TBC1D16: variants seen among roughly 807,000 people sequenced by gnomAD.
TBC1D16 encodes TBC1 domain family member 16, also known as CTD-2529O21.1.
TBC1D16 carries 58 observed loss-of-function variants against 74.7 expected under a neutral mutation model. That is an observed-to-expected ratio of 0.78 (90% CI 0.63 to 0.97). The LOEUF is 0.97. Among genes scored for constraint, TBC1D16 ranks in the 50% least tolerant of loss-of-function variants. TBC1D16 has a pLI of 0.00. For missense variants in TBC1D16, 1,014 were observed against 1,079.5 expected (o/e 0.94, Z 0.85); for synonymous variants, 493 against 474.7 (o/e 1.04, Z -0.50).
rs1344747342 is a variant in TBC1D16, at chr17:79,993,909, G to T, written c.779+16251C>A. Reference sequence around the variant, plus strand: ...CCCCATGCAACCACCGGCCGGGGTTGCGTCAAGGCCTCCCGGAGCAGCTGT... The same window carrying T: ...CCCCATGCAACCACCGGCCGGGGTTTCGTCAAGGCCTCCCGGAGCAGCTGT... On this transcript the variant is annotated intron_variant, in intron 3 of 11. Coordinates refer to ENST00000310924, the MANE Select transcript of TBC1D16 (RefSeq NM_019020.4). This position sits in a 1 kb window ranked among gnomAD's most constrained non-coding sequence, Gnocchi z 5.1. Among the ~76,000 whole-genome samples, 1 of 152,188 alleles carries T rather than the reference G, an allele frequency of 6.6e-6. No individual in the cohort carries two copies. Among genetic ancestry groups the T allele is most frequent in the African/African-American group, 2.4e-5 (1 of 41,454 alleles).
chr17:80,011,411 C>T (rs1461936883), intron 2 of TBC1D16, among the ~76,000 whole-genome samples: 1 of 152,110 alleles, frequency 6.6e-6, no homozygotes, highest in Non-Finnish European at 1.5e-5. Context: ...ACCCTGGCCC[C>T]AGGGCTCACC....
chr17:80,016,810 T>C (rs1250954510), intron 1 of TBC1D16, among the ~76,000 whole-genome samples: 1 of 152,174 alleles, frequency 6.6e-6, no homozygotes, highest in Non-Finnish European at 1.5e-5. Context: ...TCCAATTGTC[T>C]CCATGGCTGC....
chr17:80,024,947 CAT>C lies in TBC1D16; in HGVS notation c.-63+10846_-63+10847del, dbSNP rs1332211258. On this transcript the variant is annotated intron_variant, in intron 1 of 11. Coordinates refer to ENST00000310924, the MANE Select transcript of TBC1D16 (RefSeq NM_019020.4). Reference sequence around the variant, plus strand: ...CCATAGACACACACACCACACACACCATAGACACACCACACACACAACCCCGT... The same window carrying C: ...CCATAGACACACACACCACACACACCAGACACACCACACACACAACCCCGT... 4.3e-5 allele frequency among the ~76,000 whole-genome samples: 6 copies of C among 138,794 alleles called. 1 individual carries two copies. Among genetic ancestry groups the C allele is most frequent in the African/African-American group, 8.7e-5 (3 of 34,294 alleles). 91.1% of individuals were successfully genotyped at this position (138,794 alleles called of 152,430 possible). A position where few individuals can be genotyped will look rare whatever the true frequency, so the allele number is the denominator to read the frequency against.
rs906334153 is a variant in TBC1D16 at position 80,007,790 on chromosome 17, C to T, written c.779+2370G>A. ...CAAGATCTAGAGGCAGAGAGGACGA[C>T]GAACTTGGAGGTGTGCACAGTGGGG... is the stretch of plus-strand genomic sequence containing the variant. On this transcript the variant is annotated intron_variant, in intron 3 of 11. Coordinates refer to ENST00000310924, the MANE Select transcript of TBC1D16 (RefSeq NM_019020.4). This position sits in a 1 kb window ranked among gnomAD's most constrained non-coding sequence, Gnocchi z 4.5. Among the ~76,000 whole-genome samples, 2 of 152,020 alleles carry T rather than the reference C, an allele frequency of 1.3e-5. No homozygotes were observed. The highest frequency in any genetic ancestry group is 2.9e-5 in the Non-Finnish European group (2 of 68,004).
At position 79,935,500 on chromosome 17, in the gene TBC1D16, G is replaced by A. The variant is rs1205730810; in HGVS notation, c.*5359C>T. The A allele has an allele frequency of 6.6e-6, 1 of 152,326 alleles. No homozygotes were observed. The highest frequency in any genetic ancestry group is 1.5e-5 in the Non-Finnish European group (1 of 68,108). 9.4% of individuals were successfully genotyped at this position (152,326 alleles called of 1,614,324 possible). A position where few individuals can be genotyped will look rare whatever the true frequency, so the allele number is the denominator to read the frequency against. On this transcript the variant is annotated 3_prime_UTR_variant, in exon 12 of 12. Transcript: ENST00000310924. ...TCCCCCATCTCAGAACATGGGAGAA[G>A]CCGGGCACACTGGCGTCTGCAGGCT...
rs928182990 is a variant in TBC1D16, at chr17:79,941,273, G to C, written c.2056-166C>G. 3.3e-5 allele frequency among the ~76,000 whole-genome samples: 5 copies of C among 152,162 alleles called. No individual in the cohort carries two copies. The highest frequency in any genetic ancestry group is 9.7e-5 in the African/African-American group (4 of 41,432). ...CTGCCTGCATCTCCCACCATCACCGGCACCACGGGGCCCTGGGTCTTAGGT... is the reference window on the plus strand; with the variant it reads ...CTGCCTGCATCTCCCACCATCACCGCCACCACGGGGCCCTGGGTCTTAGGT... On this transcript the variant is annotated intron_variant, in intron 11 of 11. Transcript: ENST00000310924. This position sits in a 1 kb window ranked among gnomAD's most constrained non-coding sequence, Gnocchi z 4.3.
chr17:79,960,747 T>C (rs1244242229), intron 3 of TBC1D16, among the ~76,000 whole-genome samples: 4 of 114,336 alleles, frequency 3.5e-5, no homozygotes, highest in Non-Finnish European at 5.0e-5. Flanking sequence ...AGAGTGAGAC[T>C]CTGTCTCAAA....
At chr17:80,013,679 G>T in intron 1 of TBC1D16, 70 bp from the exon 2 acceptor site, 2 of 971,760 alleles carry the variant, frequency 2.1e-6, no homozygotes, top group Non-Finnish European at 3.0e-6. Flanking sequence ...AGTACGTGTC[G>T]CCTCGGCACC....
intron 1 of TBC1D16, among the ~76,000 whole-genome samples, chr17:80,027,944 T>C (rs2036641298): frequency 7.3e-6 from 1 of 137,838 alleles, no homozygotes; most frequent in Non-Finnish European, 1.6e-5. Flanking sequence ...TCCTTGACAA[T>C]AAGAACCCCC....
chr17:80,029,300 C>T (rs1232009526), intron 1 of TBC1D16, among the ~76,000 whole-genome samples: 3 of 151,990 alleles, frequency 2.0e-5, no homozygotes, highest in East Asian at 3.9e-4. Flanking sequence ...GAGAGAGGGG[C>T]GGGCAGGGGA....
chr17:80,011,743 G>A (rs1217473893), intron 2 of TBC1D16, among the ~76,000 whole-genome samples: 1 of 151,770 alleles, frequency 6.6e-6, no homozygotes, highest in African/African-American at 2.4e-5. Flanking sequence ...GGAGAATGGC[G>A]TGAACCCAGG....
chr17:80,021,082 G>A (rs1380112952), intron 1 of TBC1D16, among the ~76,000 whole-genome samples: 1 of 149,836 alleles, frequency 6.7e-6, no homozygotes, highest in African/African-American at 2.5e-5. Context: ...GAGAAACCCC[G>A]TGTCTACTAA....
Position 79,954,062 on chromosome 17 carries a change from G to C in TBC1D16, c.780-1244C>G, listed in dbSNP as rs1042250292. 1.3e-5 allele frequency among the ~76,000 whole-genome samples: 2 copies of C among 152,098 alleles called. No homozygotes were observed. The highest frequency in any genetic ancestry group is 2.4e-5 in the African/African-American group (1 of 41,414). ...TGGGATTACAGGCGTGAGCCATCGC[G>C]CCTGACACTCTCTTGAGATTTAATG... On this transcript the variant is annotated intron_variant, in intron 3 of 11. Transcript: ENST00000310924. This position sits in a 1 kb window ranked among gnomAD's most constrained non-coding sequence, Gnocchi z 5.5.
In TBC1D16 at chr17:79,940,759, C is replaced by T; in HGVS notation, c.*100G>A. 1 of 1,341,408 alleles carries T rather than the reference C, an allele frequency of 7.5e-7. No homozygotes were observed. Among genetic ancestry groups the T allele is most frequent in the Non-Finnish European group, 9.8e-7 (1 of 1,021,436 alleles). The allele number at this position is 1,341,408 out of a possible 1,614,324, so 83.1% of individuals were successfully genotyped here. A position where few individuals can be genotyped will look rare whatever the true frequency, so the allele number is the denominator to read the frequency against. On this transcript the variant is annotated 3_prime_UTR_variant, in exon 12 of 12. Coordinates refer to ENST00000310924, the MANE Select transcript of TBC1D16 (RefSeq NM_019020.4). The surrounding 1 kb of genome is among the most constrained non-coding windows in gnomAD (Gnocchi z 5.4). ...GCCCAAAAGCATTTTCCTTAGGTTTCTACCGTCCCCTGTCCCCTTCACGCC... is the reference window on the plus strand; with the variant it reads ...GCCCAAAAGCATTTTCCTTAGGTTTTTACCGTCCCCTGTCCCCTTCACGCC...
intron 3 of TBC1D16, among the ~76,000 whole-genome samples, chr17:79,991,123 A>G (rs1218326477): frequency 6.6e-6 from 1 of 152,260 alleles, no homozygotes; most frequent in Non-Finnish European, 1.5e-5. Flanking sequence ...CATCTATGAA[A>G]TAATTTTGAC....
rs530211498 is a variant in TBC1D16, at chr17:79,935,882, A to G, written c.*4977T>C. ...AACAAAAACTGTCCTCCTTACCCCA[A>G]AAGTGCTGGAGGAAAGATGGTTGCA... On this transcript the variant is annotated 3_prime_UTR_variant, in exon 12 of 12. Coordinates refer to ENST00000310924, the MANE Select transcript of TBC1D16 (RefSeq NM_019020.4). The G allele has an allele frequency of 2.6e-5, 4 of 152,294 alleles. No individual in the cohort carries two copies. Among genetic ancestry groups the G allele is most frequent in the African/African-American group, 2.4e-5 (1 of 41,560 alleles). 9.4% of individuals were successfully genotyped at this position (152,294 alleles called of 1,614,324 possible).
chr17:80,014,519 T>A (rs948281385), intron 1 of TBC1D16, among the ~76,000 whole-genome samples: 1 of 151,740 alleles, frequency 6.6e-6, no homozygotes, highest in African/African-American at 2.4e-5. Context: ...TGTAAAGAGA[T>A]TCTCAGTTCC....
chr17:79,990,411 G>A lies in TBC1D16; in HGVS notation c.779+19749C>T, dbSNP rs1313987942. 1.3e-5 allele frequency among the ~76,000 whole-genome samples: 2 copies of A among 152,218 alleles called. No individual in the cohort carries two copies. The highest frequency in any genetic ancestry group is 4.8e-5 in the African/African-American group (2 of 41,466). On this transcript the variant is annotated intron_variant, in intron 3 of 11. Coordinates refer to ENST00000310924, the MANE Select transcript of TBC1D16 (RefSeq NM_019020.4). The surrounding 1 kb of genome is among the most constrained non-coding windows in gnomAD (Gnocchi z 4.8). ...GTGAGCCTGGGCAGCCACCTCCCAC[G>A]TGATTTCCCAATGCTTGAAGTTCAC... is the stretch of plus-strand genomic sequence containing the variant.
chr17:79,944,227 A>C lies in TBC1D16; in HGVS notation c.1908+681T>G. The C allele has an allele frequency of 7.4e-7, 1 of 1,343,316 alleles. No individual in the cohort carries two copies. 83.2% of individuals were successfully genotyped at this position (1,343,316 alleles called of 1,614,324 possible). A position where few individuals can be genotyped will look rare whatever the true frequency, so the allele number is the denominator to read the frequency against. On this transcript the variant is annotated intron_variant, in intron 10 of 11. Transcript: ENST00000310924. The surrounding 1 kb of genome is among the most constrained non-coding windows in gnomAD (Gnocchi z 7.7). The stretch of plus-strand genomic sequence containing the variant: ...TGGAGCTGCCGTGGTGGATAGAGCC[A>C]GCTCCTGCAAAAGGGTCCAGCCCTC...
Sources: gnomAD v4.1 joint callset for allele counts (sites outside exome capture counted in the v4.1 genomes callset) on GRCh38, gnomAD v4.1.1 for gene constraint, Gnocchi (gnomAD v3.1) non-coding constraint, MANE v1.5 for transcripts, NCBI Gene and HGNC (gene_info 2026-07-23, HGNC 2026-07-21) for gene names.